Variants in MORN1 observed in about 807,000 individuals in gnomAD.
The protein encoded by MORN1 is MORN repeat containing 1, also known as MORN repeat-containing protein 1.
A neutral mutation model predicts 61.9 loss-of-function variants in MORN1; 67 were observed. The observed-to-expected ratio is 1.08, with a 90% confidence interval of 0.89 to 1.33. MORN1 has a LOEUF of 1.33. Ranked by LOEUF, MORN1 falls within the 40% of genes most tolerant of loss-of-function variation. MORN1 has a pLI of 0.00. For synonymous variants in MORN1, 301 were observed against 292.0 expected, an observed-to-expected ratio of 1.03 and a Z score of -0.31; for missense variants, 752 against 691.2, an observed-to-expected ratio of 1.09 and a Z score of -0.99.
intron 10 of MORN1, among the ~76,000 whole-genome samples, chr1:2,345,682 C>G (rs1489779470): frequency 6.6e-6 from 1 of 152,166 alleles, no homozygotes; most frequent in Non-Finnish European, 1.5e-5. Context: ...GAAACTGTGC[C>G]CTGAGGGCCT....
intron 10 of MORN1, among the ~76,000 whole-genome samples, chr1:2,355,022 A>T (rs1641729548): frequency 6.6e-6 from 1 of 152,174 alleles, no homozygotes; most frequent in African/African-American, 2.4e-5. Context: ...CCGGGCTGAG[A>T]GTCGGGGGAG....
chr1:2,385,498 C>A (rs1642473272), intron 5 of MORN1: 1 of 367,892 alleles, frequency 2.7e-6, no homozygotes. Context: ...TGGAGACGCT[C>A]CTGTGGTGCC....
intron 10 of MORN1, among the ~76,000 whole-genome samples, chr1:2,338,766 C>G (rs939383983): frequency 3.9e-5 from 6 of 152,130 alleles, no homozygotes; most frequent in Non-Finnish European, 7.3e-5. Context: ...GGGGTTCTGA[C>G]CAAGCTGTTT....
chr1:2,343,701 G>A (rs961600707), intron 10 of MORN1, among the ~76,000 whole-genome samples: 9 of 152,198 alleles, frequency 5.9e-5, no homozygotes, highest in Admixed American at 2.0e-4. Context: ...AGGCCTCGCG[G>A]AGCCTTGGAA....
At chr1:2,335,124 C>T (rs144537035) in intron 12 of MORN1, among the ~76,000 whole-genome samples, 190 of 152,336 alleles carry the variant, frequency 1.2e-3, no homozygotes, top group African/African-American at 4.2e-3. Flanking sequence ...GGACAGAGGG[C>T]GGCGCCTCCC....
chr1:2,344,871 G>A (rs1641476217), intron 10 of MORN1, among the ~76,000 whole-genome samples: 1 of 152,236 alleles, frequency 6.6e-6, no homozygotes, highest in African/African-American at 2.4e-5. Context: ...TCTGCCAGAG[G>A]GAGCATGACC....
At chr1:2,331,110 C>G (rs999258994) in intron 12 of MORN1, among the ~76,000 whole-genome samples, 12 of 152,180 alleles carry the variant, frequency 7.9e-5, no homozygotes, top group Non-Finnish European at 1.5e-4. Flanking sequence ...CCGCCCACTA[C>G]AGGGAGGGCC....
chr1:2,336,843 T>C lies in MORN1; in HGVS notation c.1044A>G (p.Gly348=). The change falls in exon 11 of 14, where the codon GGA becomes GGG. Residue 348 remains glycine (G), a synonymous_variant. Transcript: ENST00000378531. The stretch of plus-strand genomic sequence containing the variant: ...AGGCCCCGGGACAATGGGGCGCATG[T>C]CCCCTGGCTGAGGAGACAGAATGAA... ...EDTPGGLLAR[G]HAPHCPGACQ... 1 of 1,564,682 alleles carries C rather than the reference T, an allele frequency of 6.4e-7. No individual in the cohort carries two copies. The highest frequency in any genetic ancestry group is 1.2e-5 in the South Asian group (1 of 83,420).
Position 2,339,804 on chromosome 1 carries a change from G to A in MORN1, c.1037-2954C>T, listed in dbSNP as rs180762361. On this transcript the variant is annotated intron_variant, in intron 10 of 13. Transcript: ENST00000378531. Reference sequence around the variant, plus strand: ...CCGGAGCTCAGCCCAGCCTGGCCCCGGCCTGATGCTGGGCCAGAAACACCA... The same window carrying A: ...CCGGAGCTCAGCCCAGCCTGGCCCCAGCCTGATGCTGGGCCAGAAACACCA... Among the ~76,000 whole-genome samples the A allele has an allele frequency of 2.6e-3, 403 of 152,280 alleles. 3 individuals carry two copies. The highest frequency in any genetic ancestry group is 0.018 in the East Asian group (93 of 5,158).
At chr1:2,387,956 T>C (rs1248757407) in intron 3 of MORN1, 1 of 457,464 alleles carries the variant, frequency 2.2e-6, no homozygotes, top group Non-Finnish European at 3.9e-6. Context: ...GTTTCCCATC[T>C]AGGGATACAA....
intron 10 of MORN1, among the ~76,000 whole-genome samples, chr1:2,353,273 T>A (rs1358502424): frequency 2.6e-5 from 4 of 152,276 alleles, no homozygotes; most frequent in Non-Finnish European, 1.5e-5. Flanking sequence ...CTGGACACGC[T>A]GGACAGCCTC....
At chr1:2,325,204 T>TCCTTCC in intron 12 of MORN1, among the ~76,000 whole-genome samples, 1 of 16,440 alleles carries the variant, frequency 6.1e-5, no homozygotes, top group Non-Finnish European at 1.3e-4. Context: ...TCCTTCTTTT[T>TCCTTCC]TTTCTTTCTT....
At chr1:2,366,488 TAA>T (rs148529455) in intron 8 of MORN1, among the ~76,000 whole-genome samples, 1 of 150,572 alleles carries the variant, frequency 6.6e-6, no homozygotes, top group African/African-American at 2.4e-5. Flanking sequence ...ATAATAAAAT[TAA>T]AAAAAAAATA....
At chr1:2,384,712 G>A (rs1410538282) in intron 6 of MORN1, among the ~76,000 whole-genome samples, 1 of 152,214 alleles carries the variant, frequency 6.6e-6, no homozygotes, top group East Asian at 1.9e-4. Flanking sequence ...AGTCAAAAGT[G>A]AGAGCCGCCT....
chr1:2,340,151 G>A (rs577672817), intron 10 of MORN1, among the ~76,000 whole-genome samples: 59 of 151,884 alleles, frequency 3.9e-4, no homozygotes, highest in Non-Finnish European at 6.2e-4. Flanking sequence ...GGGCCCTCCG[G>A]GAGACCTCGG....
rs1370453751 is a variant in MORN1, at chr1:2,337,607, G to C, written c.1037-757C>G. ...GTCTCTTTTACAAGGATGGTCAGTGGCTGAGCCTGAAGGAGATAACTTCAG... is the reference window on the plus strand; with the variant it reads ...GTCTCTTTTACAAGGATGGTCAGTGCCTGAGCCTGAAGGAGATAACTTCAG... On this transcript the variant is annotated intron_variant, in intron 10 of 13. Transcript: ENST00000378531. The surrounding 1 kb of genome is among the most constrained non-coding windows in gnomAD (Gnocchi z 5.7). Among the ~76,000 whole-genome samples the C allele has an allele frequency of 6.6e-6, 1 of 152,216 alleles. No individual in the cohort carries two copies. Among genetic ancestry groups the C allele is most frequent in the Non-Finnish European group, 1.5e-5 (1 of 68,040 alleles).
At chr1:2,351,563 C>G in intron 10 of MORN1, 1 of 217,146 alleles carries the variant, frequency 4.6e-6, no homozygotes, top group Non-Finnish European at 9.3e-6. Flanking sequence ...CTTCTTGTCT[C>G]TGTGTGGCCT....
rs1320370529 is a variant in MORN1, at chr1:2,391,456, A to T, written c.76+2T>A. On this transcript the variant is annotated splice_donor_variant, in intron 1 of 13. Coordinates refer to ENST00000378531, the MANE Select transcript of MORN1 (RefSeq NM_024848.3). LOFTEE classifies it high-confidence loss of function. ...ACCTGTCCCGTGGCCCGCAGTCGTT[A>T]CCGTTCCGGGGCGGCCGCCTAGGCG... 8.0e-7 allele frequency: 1 copy of T among 1,255,460 alleles called. No individual in the cohort carries two copies. The highest frequency in any genetic ancestry group is 1.0e-6 in the Non-Finnish European group (1 of 992,706). The allele number at this position is 1,255,460 out of a possible 1,614,324, so 77.8% of individuals were successfully genotyped here.
At chr1:2,367,390 T>G (rs1570005480) in intron 8 of MORN1, among the ~76,000 whole-genome samples, 1 of 146,658 alleles carries the variant, frequency 6.8e-6, no homozygotes, top group African/African-American at 2.5e-5. Flanking sequence ...GAGACTGAGG[T>G]GGGAGGATCG....
Sources: allele counts gnomAD v4.1 joint callset (sites outside exome capture counted in the v4.1 genomes callset), GRCh38; gene constraint gnomAD v4.1.1; non-coding constraint Gnocchi (gnomAD v3.1); transcripts MANE v1.5; gene names NCBI Gene and HGNC (gene_info 2026-07-23, HGNC 2026-07-21).